The following GAPDH variants were observed in gnomAD, a reference collection of about 807,000 sequenced individuals.
GAPDH encodes the protein glyceraldehyde-3-phosphate dehydrogenase, also known as OCAS, p38 component.
Under a neutral mutation model 31.2 loss-of-function variants are expected in GAPDH, and 13 were observed. The ratio of observed to expected loss-of-function variants is 0.42; its 90% CI spans 0.27 to 0.66. The LOEUF (loss-of-function observed/expected upper bound fraction) is 0.66. Ranked by LOEUF, GAPDH falls within the 30% of genes least tolerant of loss-of-function variation. The pLI, the probability that GAPDH is intolerant of heterozygous loss-of-function variation, is 0.26. For missense variants in GAPDH, 300 were observed against 443.7 expected, an observed-to-expected ratio of 0.68 and a Z score of 2.91; for synonymous variants, 211 against 166.9, an observed-to-expected ratio of 1.26 and a Z score of -2.04.
intron 2 of GAPDH, chr12:6,535,070 C>T: frequency 2.6e-6 from 2 of 778,654 alleles, no homozygotes; most frequent in Non-Finnish European, 3.9e-6. Context: ...CGCCATCTGC[C>T]CGGAGCCTCC....
intron 2 of GAPDH, chr12:6,535,516 C>A (rs376351264): frequency 2.2e-6 from 2 of 906,932 alleles, no homozygotes; most frequent in South Asian, 5.0e-5. Context: ...TGTCCCCTCC[C>A]CGCAGAGGTG....
chr12:6,534,719 G>GA, intron 1 of GAPDH, 91 bp from the exon 2 acceptor site: 1 of 1,130,436 alleles, frequency 8.8e-7, no homozygotes, highest in Non-Finnish European at 1.3e-6. Flanking sequence ...TGCGGCGCGG[G>GA]CTGGGCATGG....
rs1946477788 is a variant in GAPDH at position 6,536,784 on chromosome 12, T to C, written c.230T>C (p.Phe77Ser). Residue 77 changes from phenylalanine to serine, a missense_variant, in exon 4 of 9, where the codon TTC becomes TCC. Phe to Ser is a radical substitution (Grantham distance 155). Coordinates refer to ENST00000229239, the MANE Select transcript of GAPDH (RefSeq NM_002046.7). ...ATCAATGGAAATCCCATCACCATCT[T>C]CCAGGAGTGAGTGGAAGACAGAATG... The part of the protein sequence containing the change: ...LVINGNPITI[F>S]QERDPSKIKW... 2 of 1,613,274 alleles carry C rather than the reference T, an allele frequency of 1.2e-6. No individual in the cohort carries two copies. Among genetic ancestry groups the C allele is most frequent in the Non-Finnish European group, 1.7e-6 (2 of 1,179,270 alleles).
intron 2 of GAPDH, among the ~76,000 whole-genome samples, chr12:6,535,744 G>T (rs1423170959): frequency 6.6e-6 from 1 of 152,140 alleles, no homozygotes; most frequent in Admixed American, 6.5e-5. Context: ...GGCGCCTCGG[G>T]GAACCTGCCC....
In GAPDH at chr12:6,537,509, A is replaced by ATTTCC. The variant is rs1441779640; in HGVS notation, c.526-70_526-66dup. The ATTTCC allele has an allele frequency of 4.4e-6, 7 of 1,584,836 alleles. No homozygotes were observed. The highest frequency in any genetic ancestry group is 1.3e-5 in the African/African-American group (1 of 74,134). ...GGTTCTGGGGACTGGCTTTCCCATA[A>ATTTCC]TTTCCTTTCAAGGTGGGGAGGGAGG... On this transcript the variant is annotated intron_variant, in intron 7 of 8. Transcript: ENST00000229239. This position sits in a 1 kb window ranked among gnomAD's most constrained non-coding sequence, Gnocchi z 4.9.
In GAPDH at chr12:6,536,909, C is replaced by A. The variant is rs369856016; in HGVS notation, c.237-11C>A. The A allele has an allele frequency of 1.8e-4, 290 of 1,609,676 alleles. 1 individual carries two copies. The highest frequency in any genetic ancestry group is 2.3e-4 in the Non-Finnish European group (270 of 1,176,342). On this transcript the variant is annotated splice_polypyrimidine_tract_variant and intron_variant, in intron 4 of 8. Transcript: ENST00000229239. Reference sequence around the variant, plus strand: ...TATGGTCCTGTCCCCATCTCCCCCCCACCCCCATAGGCGAGATCCCTCCAA... The same window carrying A: ...TATGGTCCTGTCCCCATCTCCCCCCAACCCCCATAGGCGAGATCCCTCCAA...
chr12:6,534,897 G>T (rs754178554), intron 2 of GAPDH, 36 bp downstream of exon 2: 46 of 1,608,272 alleles, frequency 2.9e-5, no homozygotes, highest in Admixed American at 5.0e-5. Flanking sequence ...CCTGGGCTGC[G>T]ACCGCCCCCG....
intron 2 of GAPDH, chr12:6,535,069 C>T (rs1043369619): frequency 1.3e-6 from 1 of 774,846 alleles, no homozygotes. Flanking sequence ...GCGCCATCTG[C>T]CCGGAGCCTC....
Position 6,536,908 on chromosome 12 carries a change from CCA to C in GAPDH, c.237-10_237-9del. 1 of 1,609,196 alleles carries C rather than the reference CCA, an allele frequency of 6.2e-7. No homozygotes were observed. Among genetic ancestry groups the C allele is most frequent in the South Asian group, 1.1e-5 (1 of 90,910 alleles). On this transcript the variant is annotated splice_polypyrimidine_tract_variant and intron_variant, in intron 4 of 8. Coordinates refer to ENST00000229239, the MANE Select transcript of GAPDH (RefSeq NM_002046.7). Reference sequence around the variant, plus strand: ...ATATGGTCCTGTCCCCATCTCCCCCCCACCCCCATAGGCGAGATCCCTCCAAA... The same window carrying C: ...ATATGGTCCTGTCCCCATCTCCCCCCCCCCCATAGGCGAGATCCCTCCAAA...
Position 6,538,190 on chromosome 12 carries a change from CCAGCAAGAGCACAA to C in GAPDH, c.*21_*34del. 1 of 1,594,310 alleles carries C rather than the reference CCAGCAAGAGCACAA, an allele frequency of 6.3e-7. No homozygotes were observed. Among genetic ancestry groups the C allele is most frequent in the Non-Finnish European group, 8.5e-7 (1 of 1,171,598 alleles). On this transcript the variant is annotated 3_prime_UTR_variant, in exon 9 of 9. Transcript: ENST00000229239. The stretch of plus-strand genomic sequence containing the variant: ...GAGTAAGACCCCTGGACCACCAGCC[CCAGCAAGAGCACAA>C]GAGGAAGAGAGAGACCCTCACTGCT...
Position 6,537,115 on chromosome 12 carries a change from G to A in GAPDH, c.342G>A (p.Gly114=), listed in dbSNP as rs763523311. The part of the protein sequence containing the change: ...TMEKAGAHLQ[G]GAKRVIISAP... The stretch of plus-strand genomic sequence containing the variant: ...CTCTGCTGTAGGCTCATTTGCAGGG[G>A]GGAGCCAAAAGGGTCATCATCTCTG... The change falls in exon 6 of 9, where the codon GGG becomes GGA. Residue 114 remains glycine (G), a synonymous_variant. Transcript: ENST00000229239. The surrounding 1 kb of genome is among the most constrained non-coding windows in gnomAD (Gnocchi z 4.9). 8 of 1,613,714 alleles carry A rather than the reference G, an allele frequency of 5.0e-6. No homozygotes were observed. In the Admixed American group the frequency reaches 1.3e-4, roughly 27 times the overall value.
At chr12:6,535,361 G>A in intron 2 of GAPDH, 2 of 992,146 alleles carry the variant, frequency 2.0e-6, no homozygotes, top group Non-Finnish European at 2.4e-6. Flanking sequence ...GACTAACCCT[G>A]CGCTCCTGCC....
chr12:6,538,086 CT>C lies in GAPDH; in HGVS notation c.939-11del, dbSNP rs138192447. On this transcript the variant is annotated splice_polypyrimidine_tract_variant and intron_variant, in intron 8 of 8. Transcript: ENST00000229239. ...GCTCAGAAAAAGGGCCCTGACAACT[CT>C]TTTCATCTTCTAGGTATGACAACGA... is the stretch of plus-strand genomic sequence containing the variant. 3 of 1,600,140 alleles carry C rather than the reference CT, an allele frequency of 1.9e-6. No individual in the cohort carries two copies. Among genetic ancestry groups the C allele is most frequent in the Admixed American group, 1.8e-5 (1 of 55,534 alleles).
intron 2 of GAPDH, chr12:6,535,532 GC>G: frequency 1.2e-6 from 1 of 817,988 alleles, no homozygotes; most frequent in Non-Finnish European, 1.5e-6. Flanking sequence ...AGGTGTGGTG[GC>G]TGTGGCATGG....
chr12:6,536,986 C>T lies in GAPDH; in HGVS notation c.303C>T (p.Val101=), dbSNP rs11549337. ...GAEYVVESTG[V]FTTMEKAGAH... ...AGTACGTCGTGGAGTCCACTGGCGT[C>T]TTCACCACCATGGAGAAGGCTGGGG... Residue 101 remains valine, a synonymous_variant, in exon 5 of 9, where the codon GTC becomes GTT. Coordinates refer to ENST00000229239, the MANE Select transcript of GAPDH (RefSeq NM_002046.7). The T allele has an allele frequency of 8.1e-6, 13 of 1,613,818 alleles. No individual in the cohort carries two copies. The Admixed American group carries it at 1.3e-4, about 17-fold the overall frequency.
In GAPDH at chr12:6,534,850, C is replaced by T. The variant is rs1210433376; in HGVS notation, c.18C>T (p.Val6=). The change falls in exon 2 of 9, where the codon GTC becomes GTT. Residue 6 remains valine (V), a synonymous_variant. Coordinates refer to ENST00000229239, the MANE Select transcript of GAPDH (RefSeq NM_002046.7). ...CAGACACCATGGGGAAGGTGAAGGT[C>T]GGAGTCAACGGGTGAGTTCGCGGGT... is the stretch of plus-strand genomic sequence containing the variant. MGKVK[V]GVNGFGRIGR... 3 of 1,613,446 alleles carry T rather than the reference C, an allele frequency of 1.9e-6. No homozygotes were observed. The highest frequency in any genetic ancestry group is 2.2e-5 in the South Asian group (2 of 91,070).
chr12:6,535,292 G>A, intron 2 of GAPDH: 1 of 1,008,636 alleles, frequency 9.9e-7, no homozygotes, highest in Non-Finnish European at 1.2e-6. Flanking sequence ...CGGTAGAGCG[G>A]CCGCCATGTT....
In GAPDH at chr12:6,538,269, T is replaced by C; in HGVS notation, c.*99T>C. The C allele has an allele frequency of 1.0e-6, 1 of 974,954 alleles. No homozygotes were observed. The highest frequency in any genetic ancestry group is 1.3e-5 in the South Asian group (1 of 77,254). 60.4% of individuals were successfully genotyped at this position (974,954 alleles called of 1,614,324 possible). A position where few individuals can be genotyped will look rare whatever the true frequency, so the allele number is the denominator to read the frequency against. On this transcript the variant is annotated 3_prime_UTR_variant, in exon 9 of 9. Transcript: ENST00000229239. ...ACACTCAGTCCCCCACCACACTGAA[T>C]CTCCCCTCCTCACAGTTGCCATGTA... is the stretch of plus-strand genomic sequence containing the variant.
intron 3 of GAPDH, 40 bp downstream of exon 3, chr12:6,536,633 G>T: frequency 6.2e-7 from 1 of 1,605,062 alleles, no homozygotes; most frequent in Non-Finnish European, 8.5e-7. Flanking sequence ...GGTGTGGGAG[G>T]AGCCACCTGG....
Sources: allele counts gnomAD v4.1 joint callset (sites outside exome capture counted in the v4.1 genomes callset), GRCh38; gene constraint gnomAD v4.1.1; non-coding constraint Gnocchi (gnomAD v3.1); transcripts MANE v1.5; gene names NCBI Gene and HGNC (gene_info 2026-07-23, HGNC 2026-07-21).